The following RDH13 variants were observed in gnomAD, a reference collection of about 807,000 sequenced individuals.
The protein encoded by RDH13 is retinol dehydrogenase 13 (all-trans and 9-cis).
Under a neutral mutation model 28.3 loss-of-function variants are expected in RDH13, and 35 were observed. The observed-to-expected ratio is 1.24, with a 90% CI of 0.95 to 1.64. RDH13 has a LOEUF of 1.64. Among genes scored for constraint, RDH13 ranks in the 40% most tolerant of loss-of-function variants. The probability of loss-of-function intolerance (pLI) is 0.00; values close to 1 mark genes in which losing one functional copy is unlikely to be tolerated. For synonymous variants in RDH13, 229 were observed against 198.5 expected, an observed-to-expected ratio of 1.15 and a Z score of -1.29; for missense variants, 514 against 446.3, an observed-to-expected ratio of 1.15 and a Z score of -1.37.
chr19:55,068,096 CCT>C (rs2075991980), upstream of RDH13, among the ~76,000 whole-genome samples: 1 of 144,462 alleles, frequency 6.9e-6, no homozygotes, highest in Admixed American at 7.2e-5. Flanking sequence ...CTCTCTTTCT[CCT>C]CTCACTCTTC....
At chr19:55,039,957 C>T (rs909145205), downstream of RDH13, among the ~76,000 whole-genome samples, 3 of 152,242 alleles carry the variant, frequency 2.0e-5, no homozygotes, top group Middle Eastern at 3.4e-3. Context: ...CTGCATTGTG[C>T]CGCTTATCTG....
At chr19:55,045,397 C>T in intron 6 of RDH13, 88 bp from the exon 7 acceptor site, 1 of 1,038,460 alleles carries the variant, frequency 9.6e-7, no homozygotes, top group Non-Finnish European at 1.4e-6. Flanking sequence ...CTCCGGGTCC[C>T]TGGAGTCCCA....
intron 6 of RDH13, among the ~76,000 whole-genome samples, chr19:55,045,961 AAAAG>A (rs1375956410): frequency 3.1e-4 from 42 of 133,360 alleles, no homozygotes; most frequent in African/African-American, 1.2e-3. Flanking sequence ...AAAAAAAAAA[AAAAG>A]GGCTGGGCGT....
Position 55,056,747 on chromosome 19 carries a change from G to T in RDH13, c.246C>A (p.Ile82=). The T allele has an allele frequency of 1.2e-6, 2 of 1,614,112 alleles. No individual in the cohort carries two copies. The highest frequency in any genetic ancestry group is 8.5e-7 in the Non-Finnish European group (1 of 1,180,022). The change falls in exon 3 of 7, where the codon ATC becomes ATA. Residue 82 remains isoleucine (I), a synonymous_variant. Coordinates refer to ENST00000415061, the MANE Select transcript of RDH13 (RefSeq NM_001145971.2). ...CATGGTGATTGAGGGTCTCCCCGCG[G>T]ATGTCCTTTGCTGCCGCCTCACACT... is the stretch of plus-strand genomic sequence containing the variant. ...MEKCEAAAKD[I]RGETLNHHVN...
At chr19:55,040,133 T>C (rs1465929547), downstream of RDH13, among the ~76,000 whole-genome samples, 1 of 152,140 alleles carries the variant, frequency 6.6e-6, no homozygotes, top group Non-Finnish European at 1.5e-5. Flanking sequence ...TGTAAATGTA[T>C]TTATATTTAA....
At chr19:55,053,700 G>C (rs2075537504) in intron 3 of RDH13, 1 of 151,388 alleles carries the variant, frequency 6.6e-6, no homozygotes, top group Non-Finnish European at 1.5e-5. Flanking sequence ...AAAATAGAAG[G>C]AATTATTCCA....
At position 55,044,946 on chromosome 19, in the gene RDH13, C is replaced by G; in HGVS notation, c.*128G>C. 1 of 685,362 alleles carries G rather than the reference C, an allele frequency of 1.5e-6. No individual in the cohort carries two copies. Among genetic ancestry groups the G allele is most frequent in the Non-Finnish European group, 2.4e-6 (1 of 409,820 alleles). The allele number at this position is 685,362 out of a possible 1,614,324, so 42.5% of individuals were successfully genotyped here. ...TGCGGCCAGCACCGCCCCCTAGAAC[C>G]TACTGCGGGCATGGCGGCCGCCAGT... On this transcript the variant is annotated 3_prime_UTR_variant, in exon 7 of 7. Transcript: ENST00000415061.
At chr19:55,043,920 CTT>C (rs1555812976), downstream of RDH13, among the ~76,000 whole-genome samples, 2 of 135,238 alleles carry the variant, frequency 1.5e-5, no homozygotes, top group Admixed American at 7.5e-5. Context: ...AAAGTCGGAA[CTT>C]TTTTTTTTTT....
rs534278245 is a variant in RDH13 at position 55,048,385 on chromosome 19, C to A, written c.602G>T (p.Cys201Phe). ...TRKYNTKAAY[C>F]QSKLAIVLFT... ...GAGGACGATGGCGAGCTTGCTCTGG[C>A]AGTAGGCGGCTTTGGTGTTATACTT... Residue 201 changes from cysteine to phenylalanine, a missense_variant, in exon 5 of 7, where the codon TGC becomes TTC. Cys to Phe is a radical substitution (Grantham distance 205, BLOSUM62 -2). Transcript: ENST00000415061. The A allele has an allele frequency of 1.2e-6, 2 of 1,614,150 alleles. No individual in the cohort carries two copies. The highest frequency in any genetic ancestry group is 2.2e-5 in the South Asian group (2 of 91,086).
intron 3 of RDH13, among the ~76,000 whole-genome samples, chr19:55,053,247 G>C (rs2124089): frequency 0.15 from 22,197 of 152,088 alleles, 1,865 homozygotes; most frequent in African/African-American, 0.22. Context: ...TAAAATGGAC[G>C]ATCTTCACTA....
chr19:55,047,912 G>T (rs764706506), intron 5 of RDH13: 4 of 557,386 alleles, frequency 7.2e-6, no homozygotes, highest in East Asian at 4.2e-5. Flanking sequence ...CATCCCGTGC[G>T]CTGTAGGACA....
chr19:55,052,467 C>T (rs1390625886), intron 3 of RDH13, among the ~76,000 whole-genome samples: 2 of 151,198 alleles, frequency 1.3e-5, no homozygotes, highest in Admixed American at 6.6e-5. Context: ...TCACTTGAAC[C>T]CAGGAGGTGG....
chr19:55,042,269 G>C (rs569604230), downstream of RDH13: 128 of 152,268 alleles, frequency 8.4e-4, no homozygotes, highest in African/African-American at 2.8e-3. Flanking sequence ...TGTTTCTGGA[G>C]CACTCCGGTT....
intron 4 of RDH13, 56 bp downstream of exon 4, chr19:55,048,603 A>G (rs2075321351): frequency 8.1e-6 from 13 of 1,610,770 alleles, no homozygotes; most frequent in Non-Finnish European, 1.1e-5. Flanking sequence ...GCACTTTGGG[A>G]GGACGACGGG....
chr19:55,062,950 G>A lies in RDH13; in HGVS notation c.65+18C>T. ...GGGGCCCGCCTTGACCGCGCACGCG[G>A]GGCTAGAATGTACTCACTTGAGCAG... On this transcript the variant is annotated intron_variant, in intron 1 of 6. Coordinates refer to ENST00000415061, the MANE Select transcript of RDH13 (RefSeq NM_001145971.2). 1 of 1,463,546 alleles carries A rather than the reference G, an allele frequency of 6.8e-7. No homozygotes were observed. Among genetic ancestry groups the A allele is most frequent in the Non-Finnish European group, 9.0e-7 (1 of 1,111,044 alleles). 90.7% of individuals were successfully genotyped at this position (1,463,546 alleles called of 1,614,324 possible).
rs1480960898 is a variant in RDH13, at chr19:55,051,995, G to A, written c.341-3232C>T. Among the ~76,000 whole-genome samples the A allele has an allele frequency of 3.3e-5, 5 of 151,406 alleles. No homozygotes were observed. In the East Asian group the frequency reaches 7.8e-4, roughly 24 times the overall value. On this transcript the variant is annotated intron_variant, in intron 3 of 6. Transcript: ENST00000415061. ...AATTCGCCCACCTCGGCCTCCCAAAGTGCTGGGATTGCAGGCGTGGGCCAC... is the reference window on the plus strand; with the variant it reads ...AATTCGCCCACCTCGGCCTCCCAAAATGCTGGGATTGCAGGCGTGGGCCAC...
intron 3 of RDH13, among the ~76,000 whole-genome samples, chr19:55,052,117 T>A (rs2075463499): frequency 7.2e-6 from 1 of 139,356 alleles, no homozygotes; most frequent in Non-Finnish European, 1.5e-5. Context: ...AGTGCAGTGG[T>A]ACAATCAAAG....
intron 6 of RDH13, chr19:55,047,172 C>A: frequency 1.4e-6 from 2 of 1,396,690 alleles, no homozygotes; most frequent in Non-Finnish European, 9.3e-7. Flanking sequence ...TTTTCTCATC[C>A]GCCAGCAGGG....
At chr19:55,050,859 CTG>C (rs1407543969) in intron 3 of RDH13, 3 of 151,954 alleles carry the variant, frequency 2.0e-5, no homozygotes, top group Non-Finnish European at 4.4e-5. Context: ...ATCTGGTTCT[CTG>C]TGTGAGAAGG....
Sources: gnomAD v4.1 joint callset for allele counts (sites outside exome capture counted in the v4.1 genomes callset) on GRCh38, gnomAD v4.1.1 for gene constraint, MANE v1.5 for transcripts, NCBI Gene and HGNC (gene_info 2026-07-23, HGNC 2026-07-21) for gene names.